KIF1C: variants seen among roughly 807,000 people sequenced by gnomAD.
The protein encoded by KIF1C is kinesin-like protein KIF1C.
KIF1C carries 61 observed loss-of-function variants against 126.5 expected under a neutral mutation model. That is an observed-to-expected ratio of 0.48 (90% CI 0.39 to 0.60). The LOEUF is 0.60. KIF1C is among the 20% of genes least tolerant of loss of function. The pLI is 0.00. For synonymous variants in KIF1C, 640 were observed against 580.6 expected (o/e 1.10, Z -1.47); for missense variants, 1,315 against 1,489.2 (o/e 0.88, Z 1.93).
intron 17 of KIF1C, 60 bp from the exon 18 acceptor site, chr17:5,014,683 C>A: frequency 8.1e-7 from 1 of 1,227,752 alleles, no homozygotes; most frequent in Non-Finnish European, 1.2e-6. Context: ...AACTGGTGTT[C>A]AGGAGGGGCT....
At chr17:4,999,543 C>T (rs1974517978) in intron 1 of KIF1C, among the ~76,000 whole-genome samples, 1 of 152,012 alleles carries the variant, frequency 6.6e-6, no homozygotes, top group Admixed American at 6.6e-5. Flanking sequence ...TGACTCTCTG[C>T]CCCTCCTCTC....
chr17:5,001,796 C>T (rs1296622060), intron 5 of KIF1C, among the ~76,000 whole-genome samples: 1 of 152,222 alleles, frequency 6.6e-6, no homozygotes, highest in Non-Finnish European at 1.5e-5. Context: ...CCTGGCTGTC[C>T]AGCATAGCAA....
At position 5,023,968 on chromosome 17, in the gene KIF1C, G is replaced by T; in HGVS notation, c.3129G>T (p.Ala1043=). 1 of 1,581,312 alleles carries T rather than the reference G, an allele frequency of 6.3e-7. No individual in the cohort carries two copies. The highest frequency in any genetic ancestry group is 8.6e-7 in the Non-Finnish European group (1 of 1,163,034). Residue 1043 remains alanine (A), a synonymous_variant, in exon 23 of 23, where the codon GCG becomes GCT. Coordinates refer to ENST00000320785, the MANE Select transcript of KIF1C (RefSeq NM_006612.6). The surrounding 1 kb of genome is among the most constrained non-coding windows in gnomAD (Gnocchi z 4.2). ...ATGGAGGGGGCCGATCCCGGGGAGC[G>T]GGTTCTGCACAGCCTGAACCCCAGC... ...SLDGGGRSRG[A]GSAQPEPQHF...
rs1290636190 is a variant in KIF1C, at chr17:5,022,096, C to T, written c.2015C>T (p.Ala672Val). 58 of 1,597,788 alleles carry T rather than the reference C, an allele frequency of 3.6e-5. No individual in the cohort carries two copies. Among genetic ancestry groups the T allele is most frequent in the Non-Finnish European group, 4.8e-5 (56 of 1,169,084 alleles). The change falls in exon 22 of 23, where the codon GCA (alanine) becomes GTA (valine). Residue 672 changes from alanine (A) to valine (V), a missense_variant. Ala to Val is a moderately conservative substitution (Grantham distance 64). Transcript: ENST00000320785. The surrounding 1 kb of genome is among the most constrained non-coding windows in gnomAD (Gnocchi z 4.9). ...TCTTTCTTTCTCTGGCCCCAGTATGCAGACTCGGACAGCGGGGATGACTCT... is the reference window on the plus strand; with the variant it reads ...TCTTTCTTTCTCTGGCCCCAGTATGTAGACTCGGACAGCGGGGATGACTCT... ...DLLLEQQRLY[A>V]DSDSGDDSDK... is the part of the protein sequence containing the mutation.
Position 5,024,877 on chromosome 17 carries a change from C to G in KIF1C, c.*726C>G, listed in dbSNP as rs893994574. Reference sequence around the variant, plus strand: ...GTCTTCCTGAACTTCACCCTCCTGTCTCTTCCTTCAGGGTGCGCAGCCCGA... The same window carrying G: ...GTCTTCCTGAACTTCACCCTCCTGTGTCTTCCTTCAGGGTGCGCAGCCCGA... On this transcript the variant is annotated 3_prime_UTR_variant, in exon 23 of 23. Coordinates refer to ENST00000320785, the MANE Select transcript of KIF1C (RefSeq NM_006612.6). 6.6e-6 allele frequency: 1 copy of G among 151,902 alleles called. No homozygotes were observed. The highest frequency in any genetic ancestry group is 1.5e-5 in the Non-Finnish European group (1 of 68,056). The allele number at this position is 151,902 out of a possible 1,614,324, so 9.4% of individuals were successfully genotyped here. A position where few individuals can be genotyped will look rare whatever the true frequency, so the allele number is the denominator to read the frequency against.
intron 5 of KIF1C, 35 bp downstream of exon 5, chr17:5,001,436 G>C (rs1446453631): frequency 1.2e-6 from 2 of 1,601,100 alleles, no homozygotes; most frequent in South Asian, 1.1e-5. Context: ...GCCAGGGCAG[G>C]AGCATCTTTA....
In KIF1C at chr17:5,025,958, G is replaced by A. The variant is rs1357804095; in HGVS notation, c.*1807G>A. 6.6e-6 allele frequency: 1 copy of A among 152,210 alleles called. No homozygotes were observed. The highest frequency in any genetic ancestry group is 3.2e-3 in the Middle Eastern group (1 of 316). 9.4% of individuals were successfully genotyped at this position (152,210 alleles called of 1,614,324 possible). On this transcript the variant is annotated 3_prime_UTR_variant, in exon 23 of 23. Transcript: ENST00000320785. ...CACTGCCTTTGGCTTGCCAGACTCT[G>A]GAGTCCCCACATTTTCATCCTGTTC...
chr17:5,016,589 C>T (rs868470511), intron 18 of KIF1C, among the ~76,000 whole-genome samples: 8 of 151,736 alleles, frequency 5.3e-5, no homozygotes, highest in Middle Eastern at 6.8e-3. Flanking sequence ...CTATCATGTG[C>T]GTCTTACAGT....
rs921219134 is a variant in KIF1C at position 5,026,972 on chromosome 17, C to T, written c.*2821C>T. The T allele has an allele frequency of 1.3e-5, 2 of 152,062 alleles. No homozygotes were observed. The highest frequency in any genetic ancestry group is 2.9e-5 in the Non-Finnish European group (2 of 68,026). 9.4% of individuals were successfully genotyped at this position (152,062 alleles called of 1,614,324 possible). A position where few individuals can be genotyped will look rare whatever the true frequency, so the allele number is the denominator to read the frequency against. ...AAAATAATACTGTGGGCAAACTTTA[C>T]TTAGATTTTATTCAGAGTAGTGCCT... On this transcript the variant is annotated 3_prime_UTR_variant, in exon 23 of 23. Transcript: ENST00000320785.
rs779022340 is a variant in KIF1C, at chr17:5,022,237, G to A, written c.2156G>A (p.Arg719His). 1.1e-5 allele frequency: 17 copies of A among 1,614,052 alleles called. No individual in the cohort carries two copies. The highest frequency in any genetic ancestry group is 1.0e-4 in the Admixed American group (6 of 60,010). ...TGTGGTCTGCCCAGCAGTGGCAAGC[G>A]CAGGGCCCCTCGCAGGGTTTATCAG... ...KRCGLPSSGKRRAPRRVYQIP... is the reference protein window; with the variant it reads ...KRCGLPSSGKHRAPRRVYQIP... The change falls in exon 22 of 23, where the codon CGC becomes CAC. Residue 719 changes from arginine to histidine, a missense_variant. By Grantham distance (29) the Arg-to-His change is conservative. Coordinates refer to ENST00000320785, the MANE Select transcript of KIF1C (RefSeq NM_006612.6). The surrounding 1 kb of genome is among the most constrained non-coding windows in gnomAD (Gnocchi z 4.9).
Position 5,024,165 on chromosome 17 carries a change from G to A in KIF1C, c.*14G>A, listed in dbSNP as rs776326618. 1 of 1,584,706 alleles carries A rather than the reference G, an allele frequency of 6.3e-7. No homozygotes were observed. The highest frequency in any genetic ancestry group is 1.8e-5 in the Admixed American group (1 of 55,168). On this transcript the variant is annotated 3_prime_UTR_variant, in exon 23 of 23. Transcript: ENST00000320785. ...GCAGCTGTGTGAGTCCCACATCCTG[G>A]GCAGAGGGCCTGGTGGGGCCCCTTG...
In KIF1C at chr17:5,004,039, C is replaced by A; in HGVS notation, c.906C>A (p.Asp302Glu). 6.2e-7 allele frequency: 1 copy of A among 1,614,096 alleles called. No individual in the cohort carries two copies. The highest frequency in any genetic ancestry group is 1.7e-5 in the Admixed American group (1 of 60,022). The change falls in exon 11 of 23, where the codon GAC becomes GAA. Residue 302 changes from aspartate (D) to glutamate (E), a missense_variant. By Grantham distance (45) the Asp-to-Glu change is conservative (BLOSUM62 2). Coordinates refer to ENST00000320785, the MANE Select transcript of KIF1C (RefSeq NM_006612.6). ...AGTCGGATTTTATCCCCTACAGGGACTCTGTGCTCACCTGGCTGCTCAAGG... is the reference window on the plus strand; with the variant it reads ...AGTCGGATTTTATCCCCTACAGGGAATCTGTGCTCACCTGGCTGCTCAAGG... ...KRKSDFIPYR[D>E]SVLTWLLKEN... is the part of the protein sequence containing the mutation.
At chr17:5,003,136 C>G (rs571333654) in intron 8 of KIF1C, among the ~76,000 whole-genome samples, 2 of 152,172 alleles carry the variant, frequency 1.3e-5, no homozygotes, top group South Asian at 4.1e-4. Context: ...CCTCCACCTC[C>G]CGGGTTCAAG....
In KIF1C at chr17:5,020,809, G is replaced by A; in HGVS notation, c.1941G>A (p.Leu647=). 1 of 1,594,842 alleles carries A rather than the reference G, an allele frequency of 6.3e-7. No individual in the cohort carries two copies. Among genetic ancestry groups the A allele is most frequent in the Non-Finnish European group, 8.5e-7 (1 of 1,170,352 alleles). The change falls in exon 21 of 23, where the codon CTG becomes CTA. Residue 647 remains leucine, a synonymous_variant. Coordinates refer to ENST00000320785, the MANE Select transcript of KIF1C (RefSeq NM_006612.6). The surrounding 1 kb of genome is among the most constrained non-coding windows in gnomAD (Gnocchi z 5.8). ...TTCCCTCCCTGTCCAATCCCAGGCT[G>A]CAGGATCTGGAGAATCAGTACCGGA... ...IDIKLEMEKR[L]QDLENQYRKE...
chr17:5,016,975 T>C (rs1974984259), intron 18 of KIF1C, among the ~76,000 whole-genome samples: 1 of 152,078 alleles, frequency 6.6e-6, no homozygotes, highest in African/African-American at 2.4e-5. Context: ...AGGCAGTTGT[T>C]CTGGTCTGGT....
At chr17:5,002,245 A>C (rs1974613054) in intron 6 of KIF1C, 121 bp downstream of exon 6, 4 of 1,052,070 alleles carry the variant, frequency 3.8e-6, no homozygotes, top group South Asian at 1.3e-5. Context: ...ACTTTGGGGC[A>C]GTGATTCTGT....
chr17:5,009,167 G>A (rs1163354169), intron 16 of KIF1C, among the ~76,000 whole-genome samples: 1 of 150,940 alleles, frequency 6.6e-6, no homozygotes, highest in East Asian at 1.9e-4. Context: ...CCCCTCAGAG[G>A]CAGCCTTCAT....
chr17:5,001,354 A>G lies in KIF1C; in HGVS notation c.316A>G (p.Thr106Ala). Residue 106 changes from threonine to alanine, a missense_variant, in exon 5 of 23, where the codon ACC becomes GCC. Thr to Ala is a moderately conservative substitution (Grantham distance 58). Around this residue, in one of 2 missense-constraint regions of KIF1C, gnomAD observed 874 missense variants for 1,053.2 expected, o/e 0.83. Coordinates refer to ENST00000320785, the MANE Select transcript of KIF1C (RefSeq NM_006612.6). ...YGQTGAGKSY[T>A]MMGRQEPGQQ... Reference sequence around the variant, plus strand: ...GCAGACCGGGGCTGGGAAATCCTATACCATGATGGGGCGACAGGAGCCAGG... The same window carrying G: ...GCAGACCGGGGCTGGGAAATCCTATGCCATGATGGGGCGACAGGAGCCAGG... 6.2e-7 allele frequency: 1 copy of G among 1,614,102 alleles called. No homozygotes were observed. Among genetic ancestry groups the G allele is most frequent in the Non-Finnish European group, 8.5e-7 (1 of 1,179,968 alleles).
At chr17:5,004,693 C>T (rs781371592) in intron 12 of KIF1C, 48 bp downstream of exon 12, 5 of 1,599,848 alleles carry the variant, frequency 3.1e-6, no homozygotes, top group Non-Finnish European at 4.3e-6. Flanking sequence ...GGAAGAGTGC[C>T]AGGAGTTCAG....
Sources: gnomAD v4.1 joint callset for allele counts (sites outside exome capture counted in the v4.1 genomes callset) on GRCh38, gnomAD v4.1.1 for gene constraint, gnomAD v4.1.1 regional missense constraint, Gnocchi (gnomAD v3.1) non-coding constraint, MANE v1.5 for transcripts, NCBI Gene and HGNC (gene_info 2026-07-23, HGNC 2026-07-21) for gene names.